Variants in SOCS2 observed in about 807,000 individuals in gnomAD.
SOCS2 encodes the protein CIS-2.
In SOCS2, 10 loss-of-function variants were observed where a neutral mutation model predicts 18.6. That is an observed-to-expected ratio of 0.54 (90% confidence interval 0.33 to 0.91). The LOEUF (loss-of-function observed/expected upper bound fraction) is 0.91, where lower values mean the gene tolerates loss of function less well. SOCS2 is among the 40% of genes least tolerant of loss of function. The pLI is 0.02. For missense variants in SOCS2, 231 were observed against 247.2 expected, an observed-to-expected ratio of 0.93 and a Z score of 0.44; for synonymous variants, 104 against 104.0, an observed-to-expected ratio of 1.00 and a Z score of 0.00.
At chr12:93,573,155 AG>A in intron 1 of SOCS2, 119 bp downstream of exon 1, 1 of 1,336,050 alleles carries the variant, frequency 7.5e-7, no homozygotes, top group Non-Finnish European at 1.0e-6. Flanking sequence ...CTTGCTTCCA[AG>A]GGACCGCGGA....
chr12:93,606,619 G>C, the SOCS2 span, among the ~76,000 whole-genome samples: 3 of 151,982 alleles, frequency 2.0e-5, no homozygotes, highest in South Asian at 4.2e-4. Flanking sequence ...GGCACTTTGT[G>C]GTGTGTTCTT....
the SOCS2 span, among the ~76,000 whole-genome samples, chr12:93,590,498 TTA>T: frequency 2.0e-5 from 3 of 151,676 alleles, no homozygotes; most frequent in Non-Finnish European, 4.4e-5. Context: ...AAACGAACTA[TTA>T]AAAGTTAGCT....
At chr12:93,600,520 T>A in the SOCS2 span, among the ~76,000 whole-genome samples, 1 of 152,066 alleles carries the variant, frequency 6.6e-6, no homozygotes, top group Admixed American at 6.6e-5. Flanking sequence ...GATGGGAAAA[T>A]GTATAGATTT....
At chr12:93,599,932 G>A in the SOCS2 span, among the ~76,000 whole-genome samples, 22 of 152,128 alleles carry the variant, frequency 1.4e-4, no homozygotes, top group African/African-American at 5.3e-4. Context: ...TTGTGTTATA[G>A]CAACACAAAA....
the SOCS2 span, among the ~76,000 whole-genome samples, chr12:93,603,528 T>C: frequency 1.9e-4 from 29 of 152,328 alleles, no homozygotes; most frequent in African/African-American, 6.0e-4. Context: ...GGGATGTTTA[T>C]TACATGGATC....
chr12:93,574,226 T>C (rs1241093225), intron 1 of SOCS2: 2 of 148,856 alleles, frequency 1.3e-5, no homozygotes, highest in Non-Finnish European at 3.0e-5. Context: ...TTTTTTTTTT[T>C]TTTGGTGGGG....
chr12:93,625,531 A>G, the SOCS2 span, among the ~76,000 whole-genome samples: 3 of 152,054 alleles, frequency 2.0e-5, no homozygotes, highest in African/African-American at 7.2e-5. Context: ...GTGGATCACC[A>G]GAGGTCAGGA....
At chr12:93,619,467 C>A in the SOCS2 span, among the ~76,000 whole-genome samples, 1 of 151,930 alleles carries the variant, frequency 6.6e-6, no homozygotes, top group Non-Finnish European at 1.5e-5. Flanking sequence ...AATGGTTGAT[C>A]GAATGAATGA....
rs993873648 is a variant in SOCS2 at position 93,572,990 on chromosome 12, G to C, written c.93G>C (p.Pro31=). The change falls in exon 1 of 2, where the codon CCG becomes CCC. Residue 31 remains proline, a synonymous_variant. Transcript: ENST00000551556. The surrounding 1 kb of genome is among the most constrained non-coding windows in gnomAD (Gnocchi z 5.0). The stretch of plus-strand genomic sequence containing the variant: ...CGGGGTCGGCGGAGGAGCCATCCCC[G>C]CAGGCGGCGCGTCTGGCGAAGGCCC... ...GTAGSAEEPS[P]QAARLAKALR... is the part of the protein sequence containing the mutation. The C allele has an allele frequency of 1.9e-6, 3 of 1,569,644 alleles. No homozygotes were observed. Among genetic ancestry groups the C allele is most frequent in the Admixed American group, 3.7e-5 (2 of 53,938 alleles).
the SOCS2 span, among the ~76,000 whole-genome samples, chr12:93,626,154 T>A: frequency 1.3e-5 from 2 of 152,144 alleles, no homozygotes; most frequent in Non-Finnish European, 2.9e-5. Flanking sequence ...AAAATGAGCC[T>A]CTTTCTATTT....
the SOCS2 span, among the ~76,000 whole-genome samples, chr12:93,608,654 A>G: frequency 1.3e-5 from 2 of 152,212 alleles, no homozygotes; most frequent in African/African-American, 4.8e-5. Context: ...ATGTTGAACT[A>G]TGTAAGTATT....
At chr12:93,579,194 A>G (rs1323876267), downstream of SOCS2, among the ~76,000 whole-genome samples, 1 of 152,134 alleles carries the variant, frequency 6.6e-6, no homozygotes, top group East Asian at 1.9e-4. Context: ...GCTTTTGCCC[A>G]TTCATGGGCA....
At chr12:93,611,901 G>C in the SOCS2 span, among the ~76,000 whole-genome samples, 1 of 151,758 alleles carries the variant, frequency 6.6e-6, no homozygotes, top group Non-Finnish European at 1.5e-5. Flanking sequence ...GGCCTCCGTT[G>C]GTTTGCTTCT....
downstream of SOCS2, among the ~76,000 whole-genome samples, chr12:93,587,036 C>T (rs916213797): frequency 6.6e-6 from 1 of 152,132 alleles, no homozygotes; most frequent in Non-Finnish European, 1.5e-5. Flanking sequence ...GGTGTGATGG[C>T]GTGTGCCTGT....
chr12:93,614,466 C>T, the SOCS2 span, among the ~76,000 whole-genome samples: 28 of 91,728 alleles, frequency 3.1e-4, no homozygotes, highest in African/African-American at 1.6e-3. Context: ...TTCCTTCCTT[C>T]CTTCCTTCCT....
At position 93,574,793 on chromosome 12, in the gene SOCS2, T is replaced by C; in HGVS notation, c.211T>C (p.Leu71=). The change falls in exon 2 of 2, where the codon TTG becomes CTG. Residue 71 remains leucine (L), a synonymous_variant. Coordinates refer to ENST00000551556, the MANE Select transcript of SOCS2 (RefSeq NM_001270471.2). ...KLKEAPEGTF[L]IRDSSHSDYL... ...AAAAGAGGCACCAGAAGGAACTTTC[T>C]TGATTAGAGATAGCTCGCATTCAGA... 6.2e-7 allele frequency: 1 copy of C among 1,614,198 alleles called. No individual in the cohort carries two copies. Among genetic ancestry groups the C allele is most frequent in the Middle Eastern group, 1.6e-4 (1 of 6,062 alleles).
At chr12:93,571,202 G>C (rs1411946128), upstream of SOCS2, 2 of 152,670 alleles carry the variant, frequency 1.3e-5, no homozygotes, top group African/African-American at 2.4e-5. Flanking sequence ...CCCGCAGCTC[G>C]GGCGCCCGCG....
chr12:93,612,418 A>G, the SOCS2 span, among the ~76,000 whole-genome samples: 1 of 152,092 alleles, frequency 6.6e-6, no homozygotes, highest in South Asian at 2.1e-4. Context: ...ACTGAGGACA[A>G]CACTGAAAGG....
the SOCS2 span, among the ~76,000 whole-genome samples, chr12:93,603,693 G>A: frequency 4.6e-5 from 7 of 152,050 alleles, no homozygotes; most frequent in Admixed American, 2.0e-4. Flanking sequence ...AGAGAAACCC[G>A]GTATTTTTCC....
Sources: allele counts gnomAD v4.1 joint callset (sites outside exome capture counted in the v4.1 genomes callset), GRCh38; gene constraint gnomAD v4.1.1; non-coding constraint Gnocchi (gnomAD v3.1); transcripts MANE v1.5; gene names NCBI Gene and HGNC (gene_info 2026-07-23, HGNC 2026-07-21).